DCAF6: variants seen among roughly 807,000 people sequenced by gnomAD.
DCAF6 encodes the protein DDB1 and CUL4 associated factor 6, also known as DDB1- and CUL4-associated factor 6.
A neutral mutation model predicts 125.1 loss-of-function variants in DCAF6; 54 were observed. The observed-to-expected ratio is 0.43, with a 90% CI of 0.35 to 0.54. The LOEUF (loss-of-function observed/expected upper bound fraction) is 0.54. Among genes scored for constraint, DCAF6 ranks in the 20% least tolerant of loss-of-function variants. DCAF6 has a pLI of 0.01. For synonymous variants in DCAF6, 371 were observed against 390.4 expected (o/e 0.95, Z 0.58); for missense variants, 934 against 1,161.7 (o/e 0.80, Z 2.85).
At chr1:167,869,486 A>G in the DCAF6 span, among the ~76,000 whole-genome samples, 1 of 152,202 alleles carries the variant, frequency 6.6e-6, no homozygotes, top group African/African-American at 2.4e-5. Flanking sequence ...AGAAAAGGAC[A>G]GAGAAGCGAA....
the DCAF6 span, among the ~76,000 whole-genome samples, chr1:167,873,243 T>A: frequency 6.6e-6 from 1 of 152,138 alleles, no homozygotes; most frequent in Non-Finnish European, 1.5e-5. Context: ...ATTCCTTCTC[T>A]CTAGCTTCAG....
At chr1:167,980,597 G>A (rs1678954868) in intron 4 of DCAF6, among the ~76,000 whole-genome samples, 2 of 151,870 alleles carry the variant, frequency 1.3e-5, no homozygotes, top group African/African-American at 4.8e-5. Flanking sequence ...ATGCTTCTTG[G>A]CCATCTGTGT....
chr1:167,875,102 G>C, the DCAF6 span: 1 of 1,597,680 alleles, frequency 6.3e-7, no homozygotes, highest in Middle Eastern at 1.7e-4. Flanking sequence ...GTTCAATAAA[G>C]AAGTTTAAAA....
chr1:168,058,569 G>A (rs1250628215), intron 17 of DCAF6, among the ~76,000 whole-genome samples: 6 of 151,846 alleles, frequency 4.0e-5, no homozygotes. Context: ...CTGGTTTTTT[G>A]TTTGTTTGTT....
intron 7 of DCAF6, among the ~76,000 whole-genome samples, chr1:168,002,157 A>T (rs1682737631): frequency 6.6e-6 from 1 of 152,204 alleles, no homozygotes; most frequent in Admixed American, 6.5e-5. Flanking sequence ...AAGGCTCAAG[A>T]TGGTTAAAAA....
At chr1:168,040,675 A>G (rs891323196) in intron 13 of DCAF6, among the ~76,000 whole-genome samples, 1 of 150,676 alleles carries the variant, frequency 6.6e-6, no homozygotes, top group African/African-American at 2.4e-5. Context: ...TTCTGTACAC[A>G]AGGAGCTGGC....
Position 168,018,871 on chromosome 1 carries a change from G to A in DCAF6, c.1549+2920G>A, listed in dbSNP as rs1296586937. 7.9e-5 allele frequency among the ~76,000 whole-genome samples: 12 copies of A among 152,198 alleles called. No individual in the cohort carries two copies. The East Asian group carries it at 1.9e-3, about 25-fold the overall frequency. Reference sequence around the variant, plus strand: ...ACTCTTGTCCCTGGCTTTATGACTAGATGACCTTGGGCAGGTCATTTGACT... The same window carrying A: ...ACTCTTGTCCCTGGCTTTATGACTAAATGACCTTGGGCAGGTCATTTGACT... On this transcript the variant is annotated intron_variant, in intron 11 of 21. Coordinates refer to ENST00000367840, the MANE Select transcript of DCAF6 (RefSeq NM_001198956.2).
the DCAF6 span, among the ~76,000 whole-genome samples, chr1:167,902,337 C>T: frequency 6.6e-6 from 1 of 152,168 alleles, no homozygotes; most frequent in Non-Finnish European, 1.5e-5. Context: ...CTGAAGACAG[C>T]TGCCCTCCTC....
At chr1:167,894,621 G>A in the DCAF6 span, among the ~76,000 whole-genome samples, 1 of 150,432 alleles carries the variant, frequency 6.6e-6, no homozygotes, top group Non-Finnish European at 1.5e-5. Context: ...GAAAAAAAAT[G>A]TGTGTGTGTG....
the DCAF6 span, chr1:167,878,310 TG>T: frequency 2.2e-6 from 2 of 929,898 alleles, no homozygotes; most frequent in Non-Finnish European, 3.4e-6. Flanking sequence ...TTTTGAAGTC[TG>T]GGCCTTGGTC....
chr1:167,938,272 T>TTGTG (rs67172910), intron 1 of DCAF6, among the ~76,000 whole-genome samples: 68,873 of 151,608 alleles, frequency 0.45, 17,785 homozygotes, highest in African/African-American at 0.7. Flanking sequence ...GTGTGTGTGT[T>TTGTG]TGTGTGTGTA....
chr1:167,869,743 A>G, the DCAF6 span, among the ~76,000 whole-genome samples: 79,837 of 151,920 alleles, frequency 0.53, 21,164 homozygotes, highest in East Asian at 0.71. Flanking sequence ...CCTCTCATGC[A>G]GACCCCCTTA....
At chr1:167,896,690 A>G in the DCAF6 span, 1 of 1,597,226 alleles carries the variant, frequency 6.3e-7, no homozygotes, top group Non-Finnish European at 8.6e-7. Flanking sequence ...TAAGAAGTTA[A>G]CCTAAATAAA....
the DCAF6 span, chr1:167,899,587 C>G: frequency 1.9e-6 from 3 of 1,614,190 alleles, no homozygotes; most frequent in Non-Finnish European, 2.5e-6. Flanking sequence ...CTGTGTGTTT[C>G]ATCTCCAAAG....
intron 7 of DCAF6, among the ~76,000 whole-genome samples, chr1:167,995,796 A>T (rs2103032962): frequency 6.6e-6 from 1 of 152,278 alleles, no homozygotes; most frequent in South Asian, 2.1e-4. Context: ...TTATACTGAA[A>T]CTTTGATGAT....
At chr1:167,933,169 G>GTTT (rs112730724), upstream of DCAF6, among the ~76,000 whole-genome samples, 8 of 139,230 alleles carry the variant, frequency 5.7e-5, no homozygotes, top group Non-Finnish European at 9.4e-5. Flanking sequence ...AAACACATTA[G>GTTT]TTTTTTTTTT....
At chr1:168,000,625 T>C (rs1199945456) in intron 7 of DCAF6, among the ~76,000 whole-genome samples, 1 of 152,118 alleles carries the variant, frequency 6.6e-6, no homozygotes, top group Non-Finnish European at 1.5e-5. Context: ...AATTGACGAA[T>C]GGATGAACAG....
chr1:168,063,315 A>G (rs540557908), intron 17 of DCAF6, among the ~76,000 whole-genome samples: 1 of 152,260 alleles, frequency 6.6e-6, no homozygotes, highest in African/African-American at 2.4e-5. Context: ...TTGCACATGA[A>G]TTTTGTCTGT....
chr1:167,958,766 AG>A (rs1276657152), intron 2 of DCAF6, among the ~76,000 whole-genome samples: 1 of 152,192 alleles, frequency 6.6e-6, no homozygotes, highest in Non-Finnish European at 1.5e-5. Context: ...ATTGAGAGGA[AG>A]GTATGGGAAT....
Sources: allele counts gnomAD v4.1 joint callset (sites outside exome capture counted in the v4.1 genomes callset), GRCh38; gene constraint gnomAD v4.1.1; transcripts MANE v1.5; gene names NCBI Gene and HGNC (gene_info 2026-07-23, HGNC 2026-07-21).